The following ITFG1 variants were observed in gnomAD, a reference collection of about 807,000 sequenced individuals.
ITFG1 encodes integrin alpha FG-GAP repeat containing 1, also known as T-cell immunomodulatory protein.
Under a neutral mutation model 81.8 loss-of-function variants are expected in ITFG1, and 34 were observed. The observed-to-expected ratio is 0.42, with a 90% CI of 0.32 to 0.55. The LOEUF is 0.55. Ranked by LOEUF, ITFG1 falls within the 20% of genes least tolerant of loss-of-function variation. The probability of loss-of-function intolerance (pLI) is 0.17; values close to 1 mark genes in which losing one functional copy is unlikely to be tolerated. For missense variants in ITFG1, 672 were observed against 755.4 expected (o/e 0.89, Z 1.29); for synonymous variants, 285 against 270.6 (o/e 1.05, Z -0.52).
At chr16:47,364,610 T>C (rs540669368) in intron 8 of ITFG1, among the ~76,000 whole-genome samples, 1 of 152,348 alleles carries the variant, frequency 6.6e-6, no homozygotes, top group Non-Finnish European at 1.5e-5. Context: ...TTCTATCACT[T>C]GACTATTGGC....
intron 8 of ITFG1, among the ~76,000 whole-genome samples, chr16:47,348,476 T>C (rs1390177122): frequency 6.6e-6 from 1 of 151,894 alleles, no homozygotes; most frequent in Non-Finnish European, 1.5e-5. Context: ...GAAGATCAAA[T>C]GAGCAAAATG....
At chr16:47,253,393 A>G (rs973492984) in intron 12 of ITFG1, among the ~76,000 whole-genome samples, 1 of 152,192 alleles carries the variant, frequency 6.6e-6, no homozygotes, top group Non-Finnish European at 1.5e-5. Flanking sequence ...ATTACTTTAA[A>G]GAAGGGCTCA....
At chr16:47,313,916 T>A (rs1258013997) in intron 8 of ITFG1, 93 bp from the exon 9 acceptor site, 1 of 612,986 alleles carries the variant, frequency 1.6e-6, no homozygotes, top group Non-Finnish European at 2.7e-6. Context: ...AAAGTCTACA[T>A]CAATCTGGAT....
intron 12 of ITFG1, among the ~76,000 whole-genome samples, chr16:47,254,846 G>A (rs1418272749): frequency 6.6e-6 from 1 of 151,974 alleles, no homozygotes; most frequent in Non-Finnish European, 1.5e-5. Flanking sequence ...TTTTTTTTAA[G>A]CTTCAGACTT....
chr16:47,311,199 CAT>C, intron 10 of ITFG1, 39 bp downstream of exon 10: 1 of 1,446,448 alleles, frequency 6.9e-7, no homozygotes, highest in Non-Finnish European at 9.5e-7. Context: ...ATATTTCTCA[CAT>C]AGTTTACAAA....
At chr16:47,273,319 CAAAT>C (rs1003432259) in intron 10 of ITFG1, among the ~76,000 whole-genome samples, 5 of 151,942 alleles carry the variant, frequency 3.3e-5, no homozygotes, top group African/African-American at 1.2e-4. Context: ...AGAAGAAACA[CAAAT>C]AAGTCCATTA....
Position 47,210,953 on chromosome 16 carries a change from G to T in ITFG1, c.1453+7915C>A, listed in dbSNP as rs546469455. Reference sequence around the variant, plus strand: ...TTAGGTTGGTGCAAAAGTAATTGTGGTTTTGCCATTAAAAAATGACAAAAA... The same window carrying T: ...TTAGGTTGGTGCAAAAGTAATTGTGTTTTTGCCATTAAAAAATGACAAAAA... On this transcript the variant is annotated intron_variant, in intron 14 of 17. Transcript: ENST00000320640. 7.6e-3 allele frequency among the ~76,000 whole-genome samples: 1,151 copies of T among 152,136 alleles called. 15 individuals are homozygous for T. The highest frequency in any genetic ancestry group is 0.026 in the African/African-American group (1,072 of 41,504).
chr16:47,434,035 T>C (rs1322137106), intron 5 of ITFG1, among the ~76,000 whole-genome samples: 1 of 150,806 alleles, frequency 6.6e-6, no homozygotes, highest in Non-Finnish European at 1.5e-5. Flanking sequence ...GACCCCTTCC[T>C]TACACCACAT....
At chr16:47,253,876 T>C (rs1334404410) in intron 12 of ITFG1, among the ~76,000 whole-genome samples, 1 of 152,142 alleles carries the variant, frequency 6.6e-6, no homozygotes, top group Non-Finnish European at 1.5e-5. Context: ...CTCAGACTAG[T>C]ACTGGTCTGC....
intron 5 of ITFG1, among the ~76,000 whole-genome samples, chr16:47,430,123 T>C (rs1341013789): frequency 1.3e-5 from 2 of 151,138 alleles, no homozygotes; most frequent in Non-Finnish European, 2.9e-5. Context: ...AGTGGTGCGA[T>C]TTCCGCTCAC....
intron 6 of ITFG1, among the ~76,000 whole-genome samples, chr16:47,425,473 T>G (rs1432325864): frequency 6.6e-6 from 1 of 152,018 alleles, no homozygotes; most frequent in Non-Finnish European, 1.5e-5. Context: ...CCAGTCCCAA[T>G]GCAATGAACC....
intron 5 of ITFG1, among the ~76,000 whole-genome samples, chr16:47,434,957 T>C (rs888646724): frequency 2.0e-5 from 3 of 152,168 alleles, no homozygotes; most frequent in Non-Finnish European, 4.4e-5. Flanking sequence ...TTCTCACTTA[T>C]AAGTCGGAGC....
intron 7 of ITFG1, among the ~76,000 whole-genome samples, chr16:47,367,412 A>T (rs561231288): frequency 6.6e-6 from 1 of 152,180 alleles, no homozygotes; most frequent in Non-Finnish European, 1.5e-5. Context: ...CCAATCCTCT[A>T]ATCATGTCTT....
At chr16:47,374,964 A>G (rs1190983045) in intron 7 of ITFG1, among the ~76,000 whole-genome samples, 1 of 152,176 alleles carries the variant, frequency 6.6e-6, no homozygotes, top group Non-Finnish European at 1.5e-5. Flanking sequence ...TTTACATTTC[A>G]AAAATCTGCT....
At chr16:47,188,444 T>C (rs1025609806) in intron 14 of ITFG1, among the ~76,000 whole-genome samples, 3 of 150,920 alleles carry the variant, frequency 2.0e-5, no homozygotes, top group Non-Finnish European at 4.4e-5. Context: ...TAAAAAATGA[T>C]GAGTTCATGT....
intron 10 of ITFG1, among the ~76,000 whole-genome samples, chr16:47,267,477 A>G (rs1966290383): frequency 6.6e-6 from 1 of 152,202 alleles, no homozygotes; most frequent in Non-Finnish European, 1.5e-5. Context: ...ACGGATTCCA[A>G]TATGTCTCTT....
intron 10 of ITFG1, among the ~76,000 whole-genome samples, chr16:47,288,857 C>T (rs1184046285): frequency 6.6e-6 from 1 of 152,162 alleles, no homozygotes; most frequent in Non-Finnish European, 1.5e-5. Flanking sequence ...GATTGCACCA[C>T]TGCACTCCAG....
At position 47,459,090 on chromosome 16, in the gene ITFG1, T is replaced by C; in HGVS notation, c.281+13A>G. Reference sequence around the variant, plus strand: ...GACTAAAGTTTTATCAAAATAATCATATTTGTACTTACTTGAAAGATACCT... The same window carrying C: ...GACTAAAGTTTTATCAAAATAATCACATTTGTACTTACTTGAAAGATACCT... On this transcript the variant is annotated intron_variant, in intron 2 of 17. Transcript: ENST00000320640. 1 of 1,449,208 alleles carries C rather than the reference T, an allele frequency of 6.9e-7. No homozygotes were observed. The highest frequency in any genetic ancestry group is 9.7e-7 in the Non-Finnish European group (1 of 1,030,500). The allele number at this position is 1,449,208 out of a possible 1,614,324, so 89.8% of individuals were successfully genotyped here.
chr16:47,214,685 A>T (rs1172370708), intron 14 of ITFG1, among the ~76,000 whole-genome samples: 1 of 152,156 alleles, frequency 6.6e-6, no homozygotes, highest in Non-Finnish European at 1.5e-5. Flanking sequence ...CTCCTCTGTA[A>T]TGTAACTCTC....
Sources: gnomAD v4.1 joint callset for allele counts (sites outside exome capture counted in the v4.1 genomes callset) on GRCh38, gnomAD v4.1.1 for gene constraint, MANE v1.5 for transcripts, NCBI Gene and HGNC (gene_info 2026-07-23, HGNC 2026-07-21) for gene names.